The following CREB5 variants were observed in gnomAD, a reference collection of about 807,000 sequenced individuals.
CREB5 encodes cAMP responsive element binding protein 5.
CREB5 carries 19 observed loss-of-function variants against 57.1 expected under a neutral mutation model. The ratio of observed to expected loss-of-function variants is 0.33; its 90% CI spans 0.23 to 0.49. CREB5 has a LOEUF of 0.49. CREB5 is among the 20% of genes least tolerant of loss of function. CREB5 has a pLI of 0.99. For synonymous variants in CREB5, 238 were observed against 238.3 expected, an observed-to-expected ratio of 1.00 and a Z score of 0.01; for missense variants, 579 against 671.6, an observed-to-expected ratio of 0.86 and a Z score of 1.52.
intron 5 of CREB5, among the ~76,000 whole-genome samples, chr7:28,625,236 C>T (rs931335150): frequency 1.3e-5 from 2 of 152,148 alleles, no homozygotes; most frequent in African/African-American, 4.8e-5. Flanking sequence ...ACCTCTGTGC[C>T]ACTCCATCAG....
intron 5 of CREB5, among the ~76,000 whole-genome samples, chr7:28,632,008 C>T (rs1355683386): frequency 2.0e-5 from 3 of 152,128 alleles, no homozygotes; most frequent in Non-Finnish European, 4.4e-5. Flanking sequence ...CATATAAGGG[C>T]ACTTTGTAAC....
chr7:28,547,647 A>G (rs1794469899), intron 4 of CREB5, among the ~76,000 whole-genome samples: 1 of 152,216 alleles, frequency 6.6e-6, no homozygotes, highest in Admixed American at 6.5e-5. Context: ...GCTTGGCCAA[A>G]CAACTGGTCA....
chr7:28,805,284 C>A (rs1251745843), intron 8 of CREB5, among the ~76,000 whole-genome samples: 1 of 152,116 alleles, frequency 6.6e-6, no homozygotes, highest in Non-Finnish European at 1.5e-5. Context: ...CATTATGTCA[C>A]CCACGGCCAA....
chr7:28,381,550 G>A (rs1466600062), intron 1 of CREB5, among the ~76,000 whole-genome samples: 3 of 152,194 alleles, frequency 2.0e-5, no homozygotes, highest in African/African-American at 7.2e-5. Context: ...GTTTTCAAAT[G>A]CAAGTTATTT....
intron 5 of CREB5, among the ~76,000 whole-genome samples, chr7:28,628,953 A>G (rs545916863): frequency 7.4e-4 from 112 of 152,242 alleles, no homozygotes; most frequent in African/African-American, 2.6e-3. Flanking sequence ...CAAACTTCCA[A>G]TGCCCCTTCT....
intron 1 of CREB5, among the ~76,000 whole-genome samples, chr7:28,462,141 T>C (rs1562733497): frequency 1.3e-5 from 2 of 152,220 alleles, no homozygotes; most frequent in Non-Finnish European, 2.9e-5. Flanking sequence ...CCTATTCTGG[T>C]CATTTTATAT....
chr7:28,573,572 C>T (rs905538818), intron 5 of CREB5, among the ~76,000 whole-genome samples: 3 of 152,194 alleles, frequency 2.0e-5, no homozygotes, highest in Admixed American at 1.3e-4. Flanking sequence ...CCTGCTCCCC[C>T]CTCTTCCCTT....
In CREB5 at chr7:28,820,753, A is replaced by G. The variant is rs1185552824; in HGVS notation, c.*1474A>G. The G allele has an allele frequency of 6.6e-6, 1 of 152,208 alleles. No individual in the cohort carries two copies. Among genetic ancestry groups the G allele is most frequent in the East Asian group, 1.9e-4 (1 of 5,186 alleles). The allele number at this position is 152,208 out of a possible 1,614,324, so 9.4% of individuals were successfully genotyped here. On this transcript the variant is annotated 3_prime_UTR_variant, in exon 11 of 11. Transcript: ENST00000357727. ...TGAGTAGCTGGGACCACAGGTTCAC[A>G]TAACCATGCCTGGCTAATTTATTTT...
intron 1 of CREB5, among the ~76,000 whole-genome samples, chr7:28,474,636 T>C (rs1790983854): frequency 1.3e-5 from 2 of 152,210 alleles, no homozygotes; most frequent in South Asian, 4.1e-4. Context: ...GAACTGCGTT[T>C]AAGGTCCTTG....
chr7:28,380,973 T>C (rs1329370958), intron 1 of CREB5, among the ~76,000 whole-genome samples: 17 of 152,202 alleles, frequency 1.1e-4, no homozygotes, highest in Admixed American at 1.1e-3. Flanking sequence ...TTGTCTGTAG[T>C]GAATTTTTCA....
intron 1 of CREB5, among the ~76,000 whole-genome samples, chr7:28,425,377 T>C (rs1258687798): frequency 6.6e-6 from 1 of 151,816 alleles, no homozygotes; most frequent in Non-Finnish European, 1.5e-5. Context: ...ACATAGGAAA[T>C]GTCCAGAATA....
chr7:28,313,799 C>G (rs1434159156), intron 1 of CREB5, among the ~76,000 whole-genome samples: 1 of 152,206 alleles, frequency 6.6e-6, no homozygotes, highest in Non-Finnish European at 1.5e-5. Flanking sequence ...TTTTGGCACA[C>G]ACGCCACTTG....
chr7:28,761,193 G>T (rs1040245381), intron 7 of CREB5, among the ~76,000 whole-genome samples: 1 of 152,184 alleles, frequency 6.6e-6, no homozygotes, highest in Non-Finnish European at 1.5e-5. Context: ...ATGAGCATAT[G>T]CCCAATGATC....
Position 28,752,216 on chromosome 7 carries a change from G to C in CREB5, c.702+27884G>C, listed in dbSNP as rs533308887. 2.0e-4 allele frequency among the ~76,000 whole-genome samples: 30 copies of C among 152,108 alleles called. No homozygotes were observed. In the South Asian group the frequency reaches 3.9e-3, roughly 20 times the overall value. The stretch of plus-strand genomic sequence containing the variant: ...AGTTTCACTCTTGTTGCCCAGGCTG[G>C]AGAGCAGTGGCAAGACCTCAGCTCA... On this transcript the variant is annotated intron_variant, in intron 7 of 10. Coordinates refer to ENST00000357727, the MANE Select transcript of CREB5 (RefSeq NM_182898.4).
intron 1 of CREB5, among the ~76,000 whole-genome samples, chr7:28,483,507 A>T (rs750757464): frequency 6.6e-6 from 1 of 152,098 alleles, no homozygotes; most frequent in Non-Finnish European, 1.5e-5. Flanking sequence ...ATCAGGAGGC[A>T]TTTTTTTCTA....
chr7:28,561,013 T>TGCACGTGTGTGCGC (rs1562798550), intron 4 of CREB5, among the ~76,000 whole-genome samples: 5 of 40,576 alleles, frequency 1.2e-4, no homozygotes, highest in Admixed American at 3.1e-4. Flanking sequence ...TGCGTGTGTG[T>TGCACGTGTGTGCGC]GTGCGTGTGT....
At chr7:28,716,895 T>C (rs1442811911) in intron 5 of CREB5, among the ~76,000 whole-genome samples, 1 of 152,116 alleles carries the variant, frequency 6.6e-6, no homozygotes, top group Non-Finnish European at 1.5e-5. Context: ...TGTCAATCTA[T>C]ACTCCAGAGT....
At chr7:28,452,023 C>G (rs940575981) in intron 1 of CREB5, among the ~76,000 whole-genome samples, 1 of 152,158 alleles carries the variant, frequency 6.6e-6, no homozygotes, top group Non-Finnish European at 1.5e-5. Flanking sequence ...GGAGAAAGGT[C>G]CCTGCCTGGA....
intron 7 of CREB5, among the ~76,000 whole-genome samples, chr7:28,728,468 G>T (rs936722311): frequency 6.6e-6 from 1 of 152,232 alleles, no homozygotes; most frequent in African/African-American, 2.4e-5. Context: ...ATAAAAATGG[G>T]AGACAAGGAT....
Sources: allele counts gnomAD v4.1 joint callset (sites outside exome capture counted in the v4.1 genomes callset), GRCh38; gene constraint gnomAD v4.1.1; transcripts MANE v1.5; gene names NCBI Gene and HGNC (gene_info 2026-07-23, HGNC 2026-07-21).